SYNPO2: variants seen among roughly 807,000 people sequenced by gnomAD.
The protein encoded by SYNPO2 is synaptopodin 2.
A neutral mutation model predicts 85.0 loss-of-function variants in SYNPO2; 56 were observed. The observed-to-expected ratio is 0.66, with a 90% confidence interval of 0.53 to 0.82. SYNPO2 has a LOEUF of 0.82. SYNPO2 is among the 40% of genes least tolerant of loss of function. SYNPO2 has a pLI of 0.00. For synonymous variants in SYNPO2, 602 were observed against 591.1 expected (o/e 1.02, Z -0.27); for missense variants, 1,575 against 1,534.2 (o/e 1.03, Z -0.44).
upstream of SYNPO2, among the ~76,000 whole-genome samples, chr4:118,885,484 T>C (rs1457230184): frequency 6.6e-6 from 1 of 150,710 alleles, no homozygotes. Flanking sequence ...TTTTTTTTTT[T>C]CTTTCTCAGA....
chr4:118,975,898 AC>A (rs1381295718), intron 1 of SYNPO2, among the ~76,000 whole-genome samples: 9 of 152,236 alleles, frequency 5.9e-5, no homozygotes, highest in Admixed American at 5.9e-4. Context: ...AAGTCCCATA[AC>A]TTTTGTGAGC....
chr4:119,036,632 C>G (rs116714370), intron 4 of SYNPO2: 1 of 985,328 alleles, frequency 1.0e-6, no homozygotes, highest in Non-Finnish European at 1.2e-6. Flanking sequence ...ACAAAAATGA[C>G]AGGTCATCCT....
chr4:119,031,985 A>G lies in SYNPO2; in HGVS notation c.3210A>G (p.Pro1070=). The G allele has an allele frequency of 6.2e-7, 1 of 1,614,208 alleles. No individual in the cohort carries two copies. The highest frequency in any genetic ancestry group is 1.3e-5 in the African/African-American group (1 of 75,060). The change falls in exon 4 of 5, where the codon CCA becomes CCG. Residue 1070 remains proline, a synonymous_variant. Transcript: ENST00000307142. ...CCTCATCATCTTATTTTGTGGCACCAAGGCCAAAGTTCTCAGCCAAGAAAA... is the reference window on the plus strand; with the variant it reads ...CCTCATCATCTTATTTTGTGGCACCGAGGCCAAAGTTCTCAGCCAAGAAAA... The part of the protein sequence containing the change: ...ESASSSYFVA[P]RPKFSAKKSG...
At position 119,060,090 on chromosome 4, in the gene SYNPO2, T is replaced by C. The variant is rs1159098595; in HGVS notation, c.*2156T>C. 6.6e-6 allele frequency: 1 copy of C among 152,210 alleles called. No homozygotes were observed. The highest frequency in any genetic ancestry group is 1.5e-5 in the Non-Finnish European group (1 of 68,012). The allele number at this position is 152,210 out of a possible 1,614,324, so 9.4% of individuals were successfully genotyped here. On this transcript the variant is annotated 3_prime_UTR_variant, in exon 5 of 5. Coordinates refer to ENST00000307142, the MANE Select transcript of SYNPO2 (RefSeq NM_133477.3). ...TACTTGGCTTGCCAGGGCCACGTTC[T>C]ACTTCATTGCTTTCTTTTATAAGTG...
intron 1 of SYNPO2, among the ~76,000 whole-genome samples, chr4:118,957,498 G>GT (rs1734920528): frequency 6.6e-6 from 1 of 151,918 alleles, no homozygotes; most frequent in Admixed American, 6.6e-5. Context: ...CAGACTTTTT[G>GT]TTTTTTTAAT....
At chr4:119,029,784 C>T in intron 3 of SYNPO2, 61 bp from the exon 4 acceptor site, 1 of 1,473,168 alleles carries the variant, frequency 6.8e-7, no homozygotes, top group East Asian at 2.3e-5. Flanking sequence ...TTCTGAGTTG[C>T]TGTGGTGTCT....
At chr4:118,956,450 A>C (rs1015846298) in intron 1 of SYNPO2, among the ~76,000 whole-genome samples, 3 of 152,248 alleles carry the variant, frequency 2.0e-5, no homozygotes, top group African/African-American at 7.2e-5. Context: ...CTGCAAACTC[A>C]CATTACATAG....
chr4:118,852,462 A>G (rs2110560241), intron 1 of SYNPO2, among the ~76,000 whole-genome samples: 1 of 152,374 alleles, frequency 6.6e-6, no homozygotes, highest in East Asian at 1.9e-4. Context: ...AAGACATAGA[A>G]TCAACCTAAA....
At chr4:118,870,708 C>T (rs943204537) in intron 1 of SYNPO2, among the ~76,000 whole-genome samples, 4 of 152,046 alleles carry the variant, frequency 2.6e-5, no homozygotes, top group African/African-American at 7.3e-5. Context: ...TGTTGTTTCT[C>T]GACTTTTTAA....
At chr4:119,017,589 C>A (rs1185476953) in intron 1 of SYNPO2, among the ~76,000 whole-genome samples, 2 of 152,024 alleles carry the variant, frequency 1.3e-5, no homozygotes, top group African/African-American at 2.4e-5. Flanking sequence ...CCTGAGATCA[C>A]AATCATCTCT....
chr4:118,878,208 G>C (rs1448057508), intron 1 of SYNPO2, among the ~76,000 whole-genome samples: 1 of 152,116 alleles, frequency 6.6e-6, no homozygotes, highest in African/African-American at 2.4e-5. Flanking sequence ...CCTACTTGAG[G>C]GTGGAGGGTA....
rs1008316060 is a variant in SYNPO2 at position 118,867,375 on chromosome 4, G to T, written c.12+16435G>T. Among the ~76,000 whole-genome samples the T allele has an allele frequency of 5.9e-5, 9 of 152,076 alleles. No individual in the cohort carries two copies. In the South Asian group the frequency reaches 1.5e-3, roughly 25 times the overall value. ...TATCTGCCTGTATTATTGTGTATTG[G>T]GTGAGCCAAATGCTGTGGTTAAAGA... On this transcript the variant is annotated intron_variant, in intron 1 of 4. Coordinates refer to the SYNPO2 transcript ENST00000610556.
At chr4:118,934,406 G>C (rs1253521700) in intron 1 of SYNPO2, among the ~76,000 whole-genome samples, 2 of 152,150 alleles carry the variant, frequency 1.3e-5, no homozygotes, top group Non-Finnish European at 2.9e-5. Context: ...ACCAGTTACT[G>C]TAGAGACTAC....
intron 1 of SYNPO2, among the ~76,000 whole-genome samples, chr4:118,912,402 AACTCCTGG>A (rs959885907): frequency 6.6e-6 from 1 of 152,186 alleles, no homozygotes; most frequent in African/African-American, 2.4e-5. Context: ...GCTGGTCTCA[AACTCCTGG>A]ACTCAAGTAA....
intron 1 of SYNPO2, among the ~76,000 whole-genome samples, chr4:118,967,125 A>G (rs891629927): frequency 3.9e-5 from 6 of 152,130 alleles, no homozygotes; most frequent in African/African-American, 7.2e-5. Flanking sequence ...TTCCCTTCTA[A>G]TATTTCAGAA....
At chr4:118,916,775 C>CG (rs1733348926) in intron 1 of SYNPO2, among the ~76,000 whole-genome samples, 1 of 147,606 alleles carries the variant, frequency 6.8e-6, no homozygotes, top group Non-Finnish European at 1.5e-5. Flanking sequence ...CTCTGTCCCC[C>CG]GGGCTGGAGT....
At chr4:118,985,288 C>T (rs1022031110) in intron 1 of SYNPO2, among the ~76,000 whole-genome samples, 2 of 152,190 alleles carry the variant, frequency 1.3e-5, no homozygotes, top group East Asian at 1.9e-4. Context: ...CAGCCCTGCT[C>T]CTCAGCTGGG....
intron 4 of SYNPO2, 32 bp downstream of exon 4, chr4:119,032,059 C>G: frequency 1.9e-6 from 3 of 1,609,076 alleles, no homozygotes; most frequent in Non-Finnish European, 2.5e-6. Flanking sequence ...GAAGAGTAAT[C>G]TTGTAGCTGA....
chr4:119,010,348 C>G (rs982467724), intron 1 of SYNPO2, among the ~76,000 whole-genome samples: 2 of 152,038 alleles, frequency 1.3e-5, no homozygotes, highest in Non-Finnish European at 2.9e-5. Context: ...TGGTGGGAGG[C>G]AAAAGGTACT....
Sources: gnomAD v4.1 joint callset for allele counts (sites outside exome capture counted in the v4.1 genomes callset) on GRCh38, gnomAD v4.1.1 for gene constraint, MANE v1.5 for transcripts, NCBI Gene and HGNC (gene_info 2026-07-23, HGNC 2026-07-21) for gene names.